Variants in APBB2 observed in about 807,000 individuals in gnomAD.
APBB2 encodes the protein Fe65-like 1.
APBB2 carries 38 observed loss-of-function variants against 82.5 expected under a neutral mutation model. The observed-to-expected ratio is 0.46, with a 90% CI of 0.36 to 0.60. APBB2 has a LOEUF of 0.60. Ranked by LOEUF, APBB2 falls within the 20% of genes least tolerant of loss-of-function variation. The pLI, the probability that APBB2 is intolerant of heterozygous loss-of-function variation, is 0.00. For synonymous variants in APBB2, 341 were observed against 368.2 expected (o/e 0.93, Z 0.85); for missense variants, 772 against 972.3 (o/e 0.79, Z 2.74).
intron 1 of APBB2, among the ~76,000 whole-genome samples, chr4:41,151,580 T>C (rs1347803799): frequency 6.6e-6 from 1 of 152,136 alleles, no homozygotes. Context: ...AAATCAGGTT[T>C]AGGTTTTTCT....
chr4:41,097,132 C>G (rs190069075), intron 3 of APBB2, among the ~76,000 whole-genome samples: 1 of 152,258 alleles, frequency 6.6e-6, no homozygotes, highest in African/African-American at 2.4e-5. Context: ...GAAAGAAATG[C>G]GTAGGTAAAA....
chr4:41,030,618 AC>A (rs1716380284), intron 5 of APBB2, among the ~76,000 whole-genome samples: 1 of 152,086 alleles, frequency 6.6e-6, no homozygotes, highest in South Asian at 2.1e-4. Flanking sequence ...AGCCTCAGTG[AC>A]TTTCAAAGAT....
chr4:40,935,401 G>A, intron 7 of APBB2: 2 of 440,650 alleles, frequency 4.5e-6, no homozygotes, highest in Non-Finnish European at 8.0e-6. Flanking sequence ...AGACAGTGAA[G>A]TTATTTCCTT....
At chr4:40,998,094 T>C (rs1804149179) in intron 6 of APBB2, among the ~76,000 whole-genome samples, 1 of 152,220 alleles carries the variant, frequency 6.6e-6, no homozygotes, top group African/African-American at 2.4e-5. Context: ...GGAAAACAAC[T>C]GACACTATTT....
At chr4:41,167,012 G>T (rs922753974) in intron 1 of APBB2, among the ~76,000 whole-genome samples, 1 of 152,128 alleles carries the variant, frequency 6.6e-6, no homozygotes, top group African/African-American at 2.4e-5. Context: ...CAAATTTGGG[G>T]GTTTCCACAT....
At chr4:40,916,485 A>G (rs1779865939) in intron 10 of APBB2, among the ~76,000 whole-genome samples, 1 of 152,220 alleles carries the variant, frequency 6.6e-6, no homozygotes. Context: ...ACTGTTCCTC[A>G]GTATTGGCTG....
chr4:40,886,404 C>CG (rs1057376555), intron 12 of APBB2, among the ~76,000 whole-genome samples: 1 of 151,904 alleles, frequency 6.6e-6, no homozygotes, highest in African/African-American at 2.4e-5. Flanking sequence ...CGCTTGAAAC[C>CG]GGGGGGCAAA....
Position 40,953,673 on chromosome 4 carries a change from G to A in APBB2, c.836-8600C>T, listed in dbSNP as rs1578711709. Among the ~76,000 whole-genome samples, 7 of 152,264 alleles carry A rather than the reference G, an allele frequency of 4.6e-5. 1 individual carries two copies. In the Middle Eastern group the frequency reaches 0.02, roughly 444 times the overall value. ...AAACCCTCGTGCTAGAAGCCTTAAA[G>A]ATCAAATTCCTCTCTCCACATGCTG... On this transcript the variant is annotated intron_variant, in intron 6 of 17. Transcript: ENST00000508593.
chr4:40,900,086 T>C (rs543774443), intron 10 of APBB2, among the ~76,000 whole-genome samples: 1 of 152,336 alleles, frequency 6.6e-6, no homozygotes, highest in Admixed American at 6.5e-5. Context: ...TTACAGATGT[T>C]AGAAAACGAA....
intron 10 of APBB2, among the ~76,000 whole-genome samples, chr4:40,903,300 A>AAAAAAAAAATAC (rs1775840213): frequency 1.3e-5 from 1 of 75,156 alleles, no homozygotes; most frequent in Non-Finnish European, 2.8e-5. Flanking sequence ...AACTCTACTA[A>AAAAAAAAAATAC]AAAAAAAAAT....
intron 5 of APBB2, among the ~76,000 whole-genome samples, chr4:41,025,788 A>G (rs62412138): frequency 0.045 from 6,674 of 148,132 alleles, 320 homozygotes; most frequent in African/African-American, 0.12. Context: ...GTGTGGTGGT[A>G]GATGCCTATA....
intron 6 of APBB2, among the ~76,000 whole-genome samples, chr4:40,984,927 T>C (rs930310320): frequency 2.0e-5 from 3 of 152,136 alleles, no homozygotes; most frequent in South Asian, 2.1e-4. Flanking sequence ...TAGTTACAGA[T>C]GATTTTTTTT....
chr4:41,098,270 A>C (rs1744237162), intron 3 of APBB2, among the ~76,000 whole-genome samples: 1 of 151,956 alleles, frequency 6.6e-6, no homozygotes, highest in South Asian at 2.1e-4. Flanking sequence ...CTGCAACCTC[A>C]AACTCCTGGG....
At chr4:40,850,616 C>A (rs1232323624) in intron 12 of APBB2, among the ~76,000 whole-genome samples, 1 of 152,228 alleles carries the variant, frequency 6.6e-6, no homozygotes, top group Non-Finnish European at 1.5e-5. Flanking sequence ...CGGCCACACT[C>A]ATTCACTTAG....
intron 12 of APBB2, among the ~76,000 whole-genome samples, chr4:40,830,924 CA>C (rs113648544): frequency 6.7e-6 from 1 of 148,640 alleles, no homozygotes; most frequent in South Asian, 2.1e-4. Context: ...AAACCAAAAC[CA>C]AAAAAAAACA....
chr4:41,106,547 G>A (rs2153975744), intron 2 of APBB2, among the ~76,000 whole-genome samples: 1 of 152,230 alleles, frequency 6.6e-6, no homozygotes, highest in South Asian at 2.1e-4. Flanking sequence ...CGCTACCTCA[G>A]CTCACTGCAA....
chr4:41,210,172 C>T (rs969439051), intron 1 of APBB2, among the ~76,000 whole-genome samples: 1 of 152,182 alleles, frequency 6.6e-6, no homozygotes, highest in African/African-American at 2.4e-5. Context: ...TCCTAATAGG[C>T]CACTGACCAG....
At chr4:40,861,493 C>T (rs550638280) in intron 12 of APBB2, among the ~76,000 whole-genome samples, 2 of 152,292 alleles carry the variant, frequency 1.3e-5, no homozygotes, top group Admixed American at 1.3e-4. Context: ...TGCCACTGCA[C>T]TCCAGCCTGG....
At chr4:40,963,135 C>T (rs1793724031) in intron 6 of APBB2, among the ~76,000 whole-genome samples, 2 of 152,200 alleles carry the variant, frequency 1.3e-5, no homozygotes, top group Admixed American at 1.3e-4. Flanking sequence ...CTTTCTGGAT[C>T]TACTGGTAGT....
Sources: gnomAD v4.1 joint callset for allele counts (sites outside exome capture counted in the v4.1 genomes callset) on GRCh38, gnomAD v4.1.1 for gene constraint, MANE v1.5 for transcripts, NCBI Gene and HGNC (gene_info 2026-07-23, HGNC 2026-07-21) for gene names.